Variants in EXOC6B observed in about 807,000 individuals in gnomAD.
EXOC6B encodes the protein SEC15 homolog B.
In EXOC6B, 54 loss-of-function variants were observed where a neutral mutation model predicts 113.5. The observed-to-expected ratio is 0.48, with a 90% confidence interval of 0.38 to 0.60. The LOEUF (loss-of-function observed/expected upper bound fraction) is 0.60. EXOC6B is among the 20% of genes least tolerant of loss of function. EXOC6B has a pLI of 0.00. For missense variants in EXOC6B, 797 were observed against 977.5 expected, an observed-to-expected ratio of 0.82 and a Z score of 2.46; for synonymous variants, 357 against 339.0, an observed-to-expected ratio of 1.05 and a Z score of -0.58.
At chr2:72,726,927 C>T (rs990166710) in intron 5 of EXOC6B, among the ~76,000 whole-genome samples, 1 of 152,106 alleles carries the variant, frequency 6.6e-6, no homozygotes, top group African/African-American at 2.4e-5. Flanking sequence ...CAACTACTTA[C>T]ATAGCATTTA....
chr2:72,729,315 TA>T (rs1162098161), intron 5 of EXOC6B, among the ~76,000 whole-genome samples: 2 of 151,420 alleles, frequency 1.3e-5, no homozygotes, highest in Non-Finnish European at 2.9e-5. Flanking sequence ...ATATATGTTT[TA>T]TATATATACT....
At chr2:72,607,222 A>G (rs1396795375) in intron 6 of EXOC6B, among the ~76,000 whole-genome samples, 2 of 152,164 alleles carry the variant, frequency 1.3e-5, no homozygotes, top group African/African-American at 4.8e-5. Flanking sequence ...CCAGATTATT[A>G]ACAAAGTCTT....
In EXOC6B at chr2:72,548,342, T is replaced by C. The variant is rs186781510; in HGVS notation, c.915+11111A>G. Among the ~76,000 whole-genome samples the C allele has an allele frequency of 2.4e-3, 368 of 152,184 alleles. 1 individual carries two copies. The highest frequency in any genetic ancestry group is 8.4e-3 in the African/African-American group (350 of 41,498). ...GATATAAGTAGGATTTTTCAAATAATCCTTTGGGAATTTATAAGCAGCAAA... is the reference window on the plus strand; with the variant it reads ...GATATAAGTAGGATTTTTCAAATAACCCTTTGGGAATTTATAAGCAGCAAA... On this transcript the variant is annotated intron_variant, in intron 8 of 21. Coordinates refer to ENST00000272427, the MANE Select transcript of EXOC6B (RefSeq NM_015189.3).
intron 1 of EXOC6B, among the ~76,000 whole-genome samples, chr2:72,795,616 C>CA (rs1413032691): frequency 2.0e-5 from 3 of 151,974 alleles, no homozygotes; most frequent in Non-Finnish European, 4.4e-5. Context: ...AAGTGAATGA[C>CA]AAAAAAACTG....
intron 20 of EXOC6B, among the ~76,000 whole-genome samples, chr2:72,279,296 G>A (rs1430244669): frequency 1.3e-5 from 2 of 152,150 alleles, no homozygotes; most frequent in African/African-American, 4.8e-5. Flanking sequence ...ATCTGTTCCT[G>A]TATTCCTCTG....
intron 19 of EXOC6B, among the ~76,000 whole-genome samples, chr2:72,375,881 A>C (rs1572992120): frequency 6.6e-6 from 1 of 152,216 alleles, no homozygotes; most frequent in Non-Finnish European, 1.5e-5. Context: ...TGGTCTCTCC[A>C]CATGAGCTTG....
chr2:72,722,725 G>A (rs1238889888), intron 5 of EXOC6B, among the ~76,000 whole-genome samples: 1 of 152,124 alleles, frequency 6.6e-6, no homozygotes, highest in African/African-American at 2.4e-5. Context: ...AATTCCTCTA[G>A]AGAGAAACTT....
chr2:72,361,460 C>T (rs561079582), intron 19 of EXOC6B, among the ~76,000 whole-genome samples: 6 of 152,274 alleles, frequency 3.9e-5, no homozygotes, highest in African/African-American at 1.4e-4. Context: ...CCCTTTTCCT[C>T]ACATTAGGAA....
chr2:72,334,567 CA>C (rs1362329650), intron 20 of EXOC6B, among the ~76,000 whole-genome samples: 1 of 152,134 alleles, frequency 6.6e-6, no homozygotes, highest in East Asian at 1.9e-4. Context: ...TATCTACAAA[CA>C]AAACTTCTCC....
At chr2:72,453,091 A>G (rs766160519) in intron 18 of EXOC6B, among the ~76,000 whole-genome samples, 9 of 152,222 alleles carry the variant, frequency 5.9e-5, no homozygotes, top group Non-Finnish European at 1.2e-4. Context: ...AAAAGAGTAT[A>G]TGCTTTGGAA....
Position 72,731,055 on chromosome 2 carries a change from TAAAA to T in EXOC6B, c.419-7_419-4del, listed in dbSNP as rs1407448966. 4.5e-6 allele frequency: 7 copies of T among 1,552,626 alleles called. No homozygotes were observed. Among genetic ancestry groups the T allele is most frequent in the Non-Finnish European group, 5.2e-6 (6 of 1,149,368 alleles). On this transcript the variant is annotated splice_polypyrimidine_tract_variant and splice_region_variant and intron_variant, in intron 4 of 21. Coordinates refer to ENST00000272427, the MANE Select transcript of EXOC6B (RefSeq NM_015189.3). ...CAGTTTGCTGTACATCTCTAGGACT[TAAAA>T]GAAAGAAAAGAATACACAAACATGA...
At chr2:72,237,511 AAC>A (rs1682040140) in intron 20 of EXOC6B, among the ~76,000 whole-genome samples, 3 of 152,252 alleles carry the variant, frequency 2.0e-5, no homozygotes, top group African/African-American at 7.2e-5. Flanking sequence ...TTATGAACAA[AAC>A]ACAAAGAAAA....
intron 11 of EXOC6B, among the ~76,000 whole-genome samples, chr2:72,501,762 ACT>A (rs1491302727): frequency 4.3e-5 from 2 of 46,148 alleles, no homozygotes; most frequent in African/African-American, 1.1e-4. Context: ...GAAAAAAAAC[ACT>A]TTTTTTTTTT....
intron 7 of EXOC6B, among the ~76,000 whole-genome samples, chr2:72,572,292 C>T (rs1218502626): frequency 6.6e-6 from 1 of 152,112 alleles, no homozygotes; most frequent in Non-Finnish European, 1.5e-5. Flanking sequence ...TTAAAAAATG[C>T]AGACTCAGAC....
intron 18 of EXOC6B, among the ~76,000 whole-genome samples, chr2:72,402,112 C>G (rs1248428286): frequency 6.6e-6 from 1 of 152,030 alleles, no homozygotes; most frequent in South Asian, 2.1e-4. Flanking sequence ...GAATTCTCCA[C>G]TGAAACCATC....
intron 10 of EXOC6B, among the ~76,000 whole-genome samples, chr2:72,513,540 T>C (rs1701057860): frequency 1.3e-5 from 2 of 151,936 alleles, no homozygotes; most frequent in African/African-American, 2.4e-5. Flanking sequence ...GAGAGGAAAA[T>C]GTGTAGAGGT....
chr2:72,778,592 G>A (rs527622601), intron 1 of EXOC6B, among the ~76,000 whole-genome samples: 1 of 152,260 alleles, frequency 6.6e-6, no homozygotes, highest in East Asian at 1.9e-4. Context: ...TGGTGAGGAG[G>A]CCCTGGTTAA....
At chr2:72,184,244 G>A in intron 20 of EXOC6B, 57 bp from the exon 21 acceptor site, 1 of 873,170 alleles carries the variant, frequency 1.1e-6, no homozygotes, top group Non-Finnish European at 1.8e-6. Context: ...GACAAACCAA[G>A]ATTCCAGAAA....
chr2:72,459,532 A>G (rs1331827310), intron 18 of EXOC6B, among the ~76,000 whole-genome samples: 1 of 152,174 alleles, frequency 6.6e-6, no homozygotes, highest in Non-Finnish European at 1.5e-5. Context: ...TCAATGTACA[A>G]AAGTCACAAG....
Sources: gnomAD v4.1 joint callset for allele counts (sites outside exome capture counted in the v4.1 genomes callset) on GRCh38, gnomAD v4.1.1 for gene constraint, MANE v1.5 for transcripts, NCBI Gene and HGNC (gene_info 2026-07-23, HGNC 2026-07-21) for gene names.